Variants in QKI observed in about 807,000 individuals in gnomAD.
QKI encodes QKI, KH domain containing RNA binding, also known as KH domain-containing RNA-binding protein QKI.
QKI carries 10 observed loss-of-function variants against 39.0 expected under a neutral mutation model. That is an observed-to-expected ratio of 0.26 (90% CI 0.16 to 0.43). QKI has a LOEUF of 0.43. Ranked by LOEUF, QKI falls within the 20% of genes least tolerant of loss-of-function variation. The pLI, the probability that QKI is intolerant of heterozygous loss-of-function variation, is 1.00. For synonymous variants in QKI, 204 were observed against 155.4 expected (o/e 1.31, Z -2.33); for missense variants, 218 against 428.0 (o/e 0.51, Z 4.33).
Position 163,440,075 on chromosome 6 carries a change from G to A in QKI, c.143-15204G>A, listed in dbSNP as rs149825156. 8.5e-5 allele frequency among the ~76,000 whole-genome samples: 13 copies of A among 152,122 alleles called. No homozygotes were observed. In the East Asian group the frequency reaches 2.1e-3, roughly 25 times the overall value. ...ATACCATTTCCTTTCCCCCCTCATT[G>A]TATATGTCTCTACTTTTTTGTTCTT... On this transcript the variant is annotated intron_variant, in intron 1 of 7. Coordinates refer to ENST00000361752, the MANE Select transcript of QKI (RefSeq NM_006775.3).
At chr6:163,570,095 T>C in intron 7 of QKI, 12 of 986,160 alleles carry the variant, frequency 1.2e-5, no homozygotes, top group Non-Finnish European at 1.4e-5. Flanking sequence ...TCCATGTTGT[T>C]TGTAAATAGA....
intron 1 of QKI, among the ~76,000 whole-genome samples, chr6:163,447,269 T>G (rs1464505741): frequency 7.2e-6 from 1 of 138,722 alleles, no homozygotes; most frequent in African/African-American, 2.8e-5. Context: ...TTTTTTTTTT[T>G]GCTACATACA....
chr6:163,555,869 T>C (rs1032432727), intron 4 of QKI, among the ~76,000 whole-genome samples: 7 of 152,192 alleles, frequency 4.6e-5, no homozygotes, highest in Admixed American at 1.3e-4. Context: ...AAATACTAAA[T>C]AAACATGATT....
chr6:163,490,292 T>A (rs1368934066), intron 3 of QKI, among the ~76,000 whole-genome samples: 1 of 152,336 alleles, frequency 6.6e-6, no homozygotes, highest in Non-Finnish European at 1.5e-5. Context: ...TCTACCATAG[T>A]TAATTTAATA....
intron 3 of QKI, among the ~76,000 whole-genome samples, chr6:163,516,247 A>G (rs952716758): frequency 7.2e-5 from 11 of 152,096 alleles, no homozygotes; most frequent in African/African-American, 2.7e-4. Context: ...CTTGCAACTC[A>G]ATTATGGGGC....
intron 1 of QKI, among the ~76,000 whole-genome samples, chr6:163,435,719 T>C (rs923908570): frequency 3.3e-5 from 5 of 152,124 alleles, no homozygotes; most frequent in East Asian, 1.9e-4. Context: ...TTTCTAGTCA[T>C]ATGCCGTGTA....
intron 3 of QKI, among the ~76,000 whole-genome samples, chr6:163,512,980 C>G (rs1779574554): frequency 6.6e-6 from 1 of 152,118 alleles, no homozygotes; most frequent in African/African-American, 2.4e-5. Context: ...TTTTGCTTTT[C>G]ATGGTTTCAG....
intron 3 of QKI, among the ~76,000 whole-genome samples, chr6:163,499,576 A>G (rs1189682265): frequency 6.6e-6 from 1 of 152,220 alleles, no homozygotes; most frequent in Non-Finnish European, 1.5e-5. Flanking sequence ...TTAGTTTAAC[A>G]TTTAATGGAA....
chr6:163,509,589 T>G (rs1779311393), intron 3 of QKI, among the ~76,000 whole-genome samples: 1 of 152,230 alleles, frequency 6.6e-6, no homozygotes, highest in African/African-American at 2.4e-5. Flanking sequence ...TAATATTGAT[T>G]GTAAGTAGGC....
At position 163,576,756 on chromosome 6, in the gene QKI, A is replaced by G. The variant is rs1229284811; in HGVS notation, c.*6046A>G. The G allele has an allele frequency of 6.6e-6, 1 of 152,210 alleles. No individual in the cohort carries two copies. 9.4% of individuals were successfully genotyped at this position (152,210 alleles called of 1,614,324 possible). Reference sequence around the variant, plus strand: ...ACCCCCAGAAAATGCATGTATCAATATGAGAATAAAGAACGCACACTTTCA... The same window carrying G: ...ACCCCCAGAAAATGCATGTATCAATGTGAGAATAAAGAACGCACACTTTCA... On this transcript the variant is annotated 3_prime_UTR_variant, in exon 8 of 8. Transcript: ENST00000361752.
intron 1 of QKI, among the ~76,000 whole-genome samples, chr6:163,440,385 A>C (rs1789675734): frequency 6.6e-6 from 1 of 152,218 alleles, no homozygotes; most frequent in Non-Finnish European, 1.5e-5. Context: ...GAAGGTGAAA[A>C]TATTACTTAC....
intron 3 of QKI, among the ~76,000 whole-genome samples, chr6:163,496,348 A>G (rs192586948): frequency 5.7e-4 from 86 of 151,856 alleles, no homozygotes; most frequent in African/African-American, 2.0e-3. Flanking sequence ...TGAAAGCCCT[A>G]TGAGGCAGTT....
intron 1 of QKI, among the ~76,000 whole-genome samples, chr6:163,447,694 CCTT>C (rs1790257515): frequency 6.6e-6 from 1 of 152,054 alleles, no homozygotes; most frequent in African/African-American, 2.4e-5. Flanking sequence ...AATATATCCT[CCTT>C]CAGATTCTGG....
At chr6:163,563,156 A>G in intron 5 of QKI, among the ~76,000 whole-genome samples, 1 of 152,214 alleles carries the variant, frequency 6.6e-6, no homozygotes, top group Non-Finnish European at 1.5e-5. Context: ...TATGAACTAA[A>G]TATAACCTAT....
At chr6:163,501,569 C>T (rs113956055) in intron 3 of QKI, among the ~76,000 whole-genome samples, 1,954 of 152,268 alleles carry the variant, frequency 0.013, 45 homozygotes, top group African/African-American at 0.045. Context: ...GCATTATAGT[C>T]TTCTTGTGTT....
intron 3 of QKI, among the ~76,000 whole-genome samples, chr6:163,498,183 T>C (rs1778524301): frequency 1.1e-5 from 1 of 89,596 alleles, no homozygotes; most frequent in Non-Finnish European, 2.1e-5. Flanking sequence ...CTACCGCAGC[T>C]GTGGTAAAAA....
intron 3 of QKI, among the ~76,000 whole-genome samples, chr6:163,523,389 T>G (rs1472182734): frequency 6.6e-6 from 1 of 152,250 alleles, no homozygotes; most frequent in Non-Finnish European, 1.5e-5. Flanking sequence ...CTTGCTATTT[T>G]CAGTTTATAA....
At chr6:163,530,406 A>C (rs2128240017) in intron 3 of QKI, among the ~76,000 whole-genome samples, 1 of 152,324 alleles carries the variant, frequency 6.6e-6, no homozygotes, top group African/African-American at 2.4e-5. Context: ...AATTGCATCT[A>C]TCCTTAATGA....
chr6:163,432,645 C>T (rs1190062155), intron 1 of QKI, among the ~76,000 whole-genome samples: 1 of 152,102 alleles, frequency 6.6e-6, no homozygotes, highest in Non-Finnish European at 1.5e-5. Context: ...AAGTGATCCT[C>T]CTGTGTCAGG....
Sources: allele counts gnomAD v4.1 joint callset (sites outside exome capture counted in the v4.1 genomes callset), GRCh38; gene constraint gnomAD v4.1.1; transcripts MANE v1.5; gene names NCBI Gene and HGNC (gene_info 2026-07-23, HGNC 2026-07-21).